CSMD3: variants seen among roughly 807,000 people sequenced by gnomAD.
CSMD3 encodes CUB and sushi domain-containing protein 3.
In CSMD3, 177 loss-of-function variants were observed where a neutral mutation model predicts 435.2. That is an observed-to-expected ratio of 0.41 (90% CI 0.36 to 0.46). The LOEUF (loss-of-function observed/expected upper bound fraction) is 0.46. CSMD3 is among the 20% of genes least tolerant of loss of function. The pLI is 0.34. For synonymous variants in CSMD3, 1,656 were observed against 1,520.5 expected (o/e 1.09, Z -2.07); for missense variants, 4,265 against 4,504.6 (o/e 0.95, Z 1.52).
intron 2 of CSMD3, among the ~76,000 whole-genome samples, chr8:113,308,536 G>A (rs1287740012): frequency 6.6e-6 from 1 of 151,920 alleles, no homozygotes; most frequent in Non-Finnish European, 1.5e-5. Context: ...CCAAAGTGCT[G>A]GCATTACAGG....
At chr8:113,261,158 C>G (rs2093424100) in intron 3 of CSMD3, among the ~76,000 whole-genome samples, 9 of 151,944 alleles carry the variant, frequency 5.9e-5, no homozygotes, top group Admixed American at 5.3e-4. Context: ...ACAGATTGGT[C>G]CATAGTGTCT....
intron 3 of CSMD3, among the ~76,000 whole-genome samples, chr8:113,209,204 A>G (rs926325354): frequency 6.6e-6 from 1 of 152,166 alleles, no homozygotes; most frequent in Non-Finnish European, 1.5e-5. Context: ...TTTCATAAAA[A>G]TGTGTCACCT....
Position 113,215,413 on chromosome 8 carries a change from T to C in CSMD3, c.515-41497A>G, listed in dbSNP as rs558347463. ...ATAGATTTGTAGATTTAACCTTTCTTAGGCTGGTGGACCATTGGTTGTTAA... is the reference window on the plus strand; with the variant it reads ...ATAGATTTGTAGATTTAACCTTTCTCAGGCTGGTGGACCATTGGTTGTTAA... On this transcript the variant is annotated intron_variant, in intron 3 of 70. Transcript: ENST00000297405. Among the ~76,000 whole-genome samples, 18 of 152,064 alleles carry C rather than the reference T, an allele frequency of 1.2e-4. No homozygotes were observed. The East Asian group carries it at 1.7e-3, about 15-fold the overall frequency.
chr8:112,410,281 G>A (rs1159534214), intron 32 of CSMD3, among the ~76,000 whole-genome samples: 3 of 578 alleles, frequency 5.2e-3, no homozygotes, highest in South Asian at 0.062. Flanking sequence ...TTCTTTGAAC[G>A]TTTCTGAACA....
intron 1 of CSMD3, among the ~76,000 whole-genome samples, chr8:113,377,967 G>C (rs2094396461): frequency 2.0e-5 from 3 of 152,042 alleles, no homozygotes; most frequent in Admixed American, 2.0e-4. Context: ...TATAAGTTTG[G>C]ATTTAAATGG....
chr8:112,824,292 G>A (rs1187024759), intron 12 of CSMD3, among the ~76,000 whole-genome samples: 1 of 152,082 alleles, frequency 6.6e-6, no homozygotes, highest in Non-Finnish European at 1.5e-5. Context: ...GGGGCATTTA[G>A]TCCATTTACA....
intron 4 of CSMD3, among the ~76,000 whole-genome samples, chr8:113,152,514 T>A (rs1241255822): frequency 1.3e-5 from 2 of 151,980 alleles, no homozygotes; most frequent in African/African-American, 4.8e-5. Flanking sequence ...GTTCCAGGAG[T>A]AAGAAACATG....
intron 22 of CSMD3, among the ~76,000 whole-genome samples, chr8:112,610,969 T>A (rs531134169): frequency 6.6e-6 from 1 of 152,340 alleles, no homozygotes; most frequent in South Asian, 2.1e-4. Context: ...AAGTACTCAA[T>A]AATTATATAC....
At chr8:112,448,122 C>T (rs1815827398) in intron 32 of CSMD3, among the ~76,000 whole-genome samples, 1 of 152,126 alleles carries the variant, frequency 6.6e-6, no homozygotes, top group African/African-American at 2.4e-5. Flanking sequence ...CATCTGAGAT[C>T]GGGGACAAGC....
intron 1 of CSMD3, among the ~76,000 whole-genome samples, chr8:113,406,551 A>C (rs2094533598): frequency 6.6e-6 from 1 of 151,968 alleles, no homozygotes; most frequent in Non-Finnish European, 1.5e-5. Context: ...TGTGGGTTGT[A>C]GTCTAAATAG....
intron 3 of CSMD3, among the ~76,000 whole-genome samples, chr8:113,262,651 C>T (rs1320430871): frequency 2.0e-5 from 3 of 151,982 alleles, no homozygotes; most frequent in Non-Finnish European, 4.4e-5. Context: ...ATGTTGTGAA[C>T]GGTCTTTGAG....
chr8:112,322,144 TGTG>T (rs1435473854), intron 45 of CSMD3, among the ~76,000 whole-genome samples: 9 of 152,124 alleles, frequency 5.9e-5, no homozygotes, highest in Admixed American at 3.3e-4. Context: ...TTATTTTACT[TGTG>T]TTTTTCTGTG....
chr8:113,288,540 C>T (rs919340868), intron 2 of CSMD3, among the ~76,000 whole-genome samples: 17 of 151,692 alleles, frequency 1.1e-4, no homozygotes, highest in Non-Finnish European at 1.8e-4. Context: ...GAATAACTGA[C>T]GTTTAAGGTT....
intron 27 of CSMD3, among the ~76,000 whole-genome samples, chr8:112,517,865 C>T (rs547415081): frequency 9.2e-5 from 14 of 152,200 alleles, no homozygotes; most frequent in South Asian, 4.1e-4. Context: ...CACTTTCTTA[C>T]GAAACTAACC....
At chr8:112,647,745 A>C (rs1410307714) in intron 19 of CSMD3, among the ~76,000 whole-genome samples, 1 of 152,152 alleles carries the variant, frequency 6.6e-6, no homozygotes, top group Non-Finnish European at 1.5e-5. Context: ...CATCATCATC[A>C]GCCTCATCAT....
At chr8:112,635,659 G>A (rs939804080) in intron 22 of CSMD3, among the ~76,000 whole-genome samples, 2 of 151,966 alleles carry the variant, frequency 1.3e-5, no homozygotes, top group South Asian at 4.1e-4. Flanking sequence ...TCATCTGCTA[G>A]GTATCTTGAA....
At chr8:113,135,031 C>T (rs2091380178) in intron 4 of CSMD3, among the ~76,000 whole-genome samples, 1 of 151,944 alleles carries the variant, frequency 6.6e-6, no homozygotes, top group African/African-American at 2.4e-5. Flanking sequence ...AATATTAAGC[C>T]ATCTTAATGA....
chr8:113,201,575 T>A (rs996030888), intron 3 of CSMD3, among the ~76,000 whole-genome samples: 5 of 152,042 alleles, frequency 3.3e-5, no homozygotes, highest in African/African-American at 4.8e-5. Flanking sequence ...ATTCTTCACT[T>A]AATCTAAAAA....
chr8:112,817,714 T>C lies in CSMD3; in HGVS notation c.1859+11972A>G, dbSNP rs559685299. ...GAGAGAGAAAAGATAAAATGGGCCATAGATATGGCACAACAAATGACAGAT... is the reference window on the plus strand; with the variant it reads ...GAGAGAGAAAAGATAAAATGGGCCACAGATATGGCACAACAAATGACAGAT... On this transcript the variant is annotated intron_variant, in intron 12 of 70. Coordinates refer to ENST00000297405, the MANE Select transcript of CSMD3 (RefSeq NM_198123.2). Among the ~76,000 whole-genome samples the C allele has an allele frequency of 2.0e-4, 31 of 152,016 alleles. No individual in the cohort carries two copies. In the South Asian group the frequency reaches 5.4e-3, roughly 26 times the overall value.
Sources: allele counts gnomAD v4.1 joint callset (sites outside exome capture counted in the v4.1 genomes callset), GRCh38; gene constraint gnomAD v4.1.1; transcripts MANE v1.5; gene names NCBI Gene and HGNC (gene_info 2026-07-23, HGNC 2026-07-21).